The following DNAI7 variants were observed in gnomAD, a reference collection of about 807,000 sequenced individuals.
The protein encoded by DNAI7 is dynein axonemal intermediate chain 7.
Under a neutral mutation model 86.6 loss-of-function variants are expected in DNAI7, and 78 were observed. The observed-to-expected ratio is 0.90, with a 90% CI of 0.75 to 1.09. DNAI7 has a LOEUF of 1.09. Ranked by LOEUF, DNAI7 falls within the 50% of genes least tolerant of loss-of-function variation. DNAI7 has a pLI of 0.00. For synonymous variants in DNAI7, 274 were observed against 273.0 expected, an observed-to-expected ratio of 1.00 and a Z score of -0.04; for missense variants, 753 against 810.2, an observed-to-expected ratio of 0.93 and a Z score of 0.86.
At chr12:25,178,330 AT>A (rs140400939) in intron 2 of DNAI7, among the ~76,000 whole-genome samples, 1 of 151,938 alleles carries the variant, frequency 6.6e-6, no homozygotes, top group Non-Finnish European at 1.5e-5. Context: ...AAACAGTTTA[AT>A]TTTTTTCTGG....
chr12:25,112,532 T>G (rs567969248), intron 13 of DNAI7, among the ~76,000 whole-genome samples: 30 of 147,874 alleles, frequency 2.0e-4, no homozygotes, highest in Middle Eastern at 3.6e-3. Flanking sequence ...TCAGCCTCCC[T>G]AGTAGCTGGG....
intron 14 of DNAI7, among the ~76,000 whole-genome samples, chr12:25,111,001 G>A (rs1409608370): frequency 2.0e-5 from 3 of 152,028 alleles, no homozygotes; most frequent in Non-Finnish European, 4.4e-5. Flanking sequence ...GGCAATTTGA[G>A]TTACTAAAAC....
chr12:25,142,505 A>C (rs1475810609), intron 9 of DNAI7, among the ~76,000 whole-genome samples: 1 of 146,680 alleles, frequency 6.8e-6, no homozygotes, highest in African/African-American at 2.4e-5. Context: ...TAAAAAAAAA[A>C]CAAAACTACT....
chr12:25,170,897 A>G (rs992416454), intron 2 of DNAI7, among the ~76,000 whole-genome samples: 3 of 152,238 alleles, frequency 2.0e-5, no homozygotes, highest in Non-Finnish European at 2.9e-5. Flanking sequence ...AAACGAAATC[A>G]AGATGAAAAT....
intron 2 of DNAI7, among the ~76,000 whole-genome samples, chr12:25,187,902 CA>C (rs11365320): frequency 1 from 150,721 of 151,328 alleles, 75,061 homozygotes; most frequent in South Asian, 1. Flanking sequence ...TAATGCAGAG[CA>C]AAAAAAAAAG....
chr12:25,126,267 T>C (rs1387369862), intron 9 of DNAI7, among the ~76,000 whole-genome samples: 1 of 152,128 alleles, frequency 6.6e-6, no homozygotes, highest in Non-Finnish European at 1.5e-5. Context: ...TGGACAGCTC[T>C]GAATGCCACT....
chr12:25,184,062 TC>T (rs900279952), intron 2 of DNAI7, among the ~76,000 whole-genome samples: 1 of 152,148 alleles, frequency 6.6e-6, no homozygotes, highest in Non-Finnish European at 1.5e-5. Context: ...AATCTGTCCT[TC>T]CCCTACCAAA....
chr12:25,185,717 G>A, intron 2 of DNAI7: 3 of 936,652 alleles, frequency 3.2e-6, no homozygotes, highest in Non-Finnish European at 3.8e-6. Flanking sequence ...TTTAGTGTCA[G>A]CACTGAATGT....
intron 1 of DNAI7, among the ~76,000 whole-genome samples, chr12:25,194,333 G>A (rs1227618265): frequency 6.6e-6 from 1 of 152,108 alleles, no homozygotes; most frequent in East Asian, 1.9e-4. Context: ...CAGAGTTGTC[G>A]TCATGTTCTT....
rs569722272 is a variant in DNAI7 at position 25,164,913 on chromosome 12, G to A, written c.22-3716C>T. Among the ~76,000 whole-genome samples, 17 of 151,080 alleles carry A rather than the reference G, an allele frequency of 1.1e-4. No homozygotes were observed. The East Asian group carries it at 2.7e-3, about 24-fold the overall frequency. On this transcript the variant is annotated intron_variant, in intron 2 of 15. Coordinates refer to ENST00000395987, the MANE Select transcript of DNAI7 (RefSeq NM_018272.5). ...CTCACACCCGGTCCGGCTTAGTTTC[G>A]TTCCGCGACTAGCCCTCCCCCACCT...
chr12:25,146,353 T>C (rs1460521080), intron 8 of DNAI7, among the ~76,000 whole-genome samples: 1 of 151,894 alleles, frequency 6.6e-6, no homozygotes, highest in Non-Finnish European at 1.5e-5. Flanking sequence ...TCCCAGCACT[T>C]TGGAAGGCCG....
intron 13 of DNAI7, among the ~76,000 whole-genome samples, chr12:25,112,600 G>GT (rs1939153734): frequency 6.6e-6 from 1 of 151,772 alleles, no homozygotes; most frequent in Admixed American, 6.6e-5. Context: ...TAGAGACAGG[G>GT]TTTCACCGTG....
downstream of DNAI7, chr12:25,107,945 TATTCCAGA>T: frequency 6.2e-7 from 1 of 1,614,204 alleles, no homozygotes; most frequent in Non-Finnish European, 8.5e-7. Context: ...ACAGGCCAAT[TATTCCAGA>T]AGTCTGTGGA....
intron 7 of DNAI7, 134 bp downstream of exon 7, chr12:25,149,494 A>G (rs1385214902): frequency 4.9e-6 from 3 of 614,364 alleles, no homozygotes; most frequent in African/African-American, 3.9e-5. Flanking sequence ...CTGGATAAAT[A>G]TATGTACTCT....
chr12:25,177,993 G>A (rs1167618908), intron 2 of DNAI7, among the ~76,000 whole-genome samples: 1 of 152,056 alleles, frequency 6.6e-6, no homozygotes, highest in African/African-American at 2.4e-5. Context: ...ACTGAATTGT[G>A]TCATGATTTA....
intron 12 of DNAI7, among the ~76,000 whole-genome samples, chr12:25,116,775 A>G (rs552334514): frequency 7.2e-5 from 11 of 152,204 alleles, no homozygotes; most frequent in African/African-American, 2.6e-4. Context: ...GATTACAAAC[A>G]TGAGCTACCA....
chr12:25,183,179 A>G (rs923188821), intron 2 of DNAI7, among the ~76,000 whole-genome samples: 4 of 150,618 alleles, frequency 2.7e-5, no homozygotes, highest in African/African-American at 9.7e-5. Context: ...TATAAGTACA[A>G]TGGGTACACA....
At chr12:25,124,077 T>C (rs907923210) in intron 9 of DNAI7, among the ~76,000 whole-genome samples, 1 of 140,858 alleles carries the variant, frequency 7.1e-6, no homozygotes, top group Non-Finnish European at 1.6e-5. Flanking sequence ...TACTTGCAAA[T>C]TGAATGACAT....
intron 2 of DNAI7, among the ~76,000 whole-genome samples, chr12:25,182,347 C>CAA (rs1172587693): frequency 4.9e-4 from 31 of 63,196 alleles, no homozygotes; most frequent in South Asian, 4.0e-3. Context: ...AACTTCATCT[C>CAA]AAAAAAAAAA....
Sources: allele counts gnomAD v4.1 joint callset (sites outside exome capture counted in the v4.1 genomes callset), GRCh38; gene constraint gnomAD v4.1.1; transcripts MANE v1.5; gene names NCBI Gene and HGNC (gene_info 2026-07-23, HGNC 2026-07-21).